Variants in RARG observed in about 807,000 individuals in gnomAD.
The protein encoded by RARG is retinoic acid receptor gamma.
RARG carries 17 observed loss-of-function variants against 43.7 expected under a neutral mutation model. The observed-to-expected ratio is 0.39, with a 90% CI of 0.27 to 0.58. The LOEUF is 0.58. Among genes scored for constraint, RARG ranks in the 20% least tolerant of loss-of-function variants. The probability of loss-of-function intolerance (pLI) is 0.57; values close to 1 mark genes in which losing one functional copy is unlikely to be tolerated. For missense variants in RARG, 346 were observed against 598.7 expected (o/e 0.58, Z 4.40); for synonymous variants, 238 against 236.4 (o/e 1.01, Z -0.06).
chr12:53,222,140 A>T (rs1047444928), intron 3 of RARG, among the ~76,000 whole-genome samples: 6 of 151,838 alleles, frequency 4.0e-5, no homozygotes, highest in African/African-American at 1.5e-4. Context: ...TGCTCTTTCC[A>T]ACCCAGTGTA....
chr12:53,212,200 C>T (rs1942610063), intron 9 of RARG, among the ~76,000 whole-genome samples: 1 of 152,230 alleles, frequency 6.6e-6, no homozygotes, highest in South Asian at 2.1e-4. Flanking sequence ...TGTTCCTAGT[C>T]CTGTTCTCTT....
chr12:53,215,424 C>T lies in RARG; in HGVS notation c.344G>A (p.Arg115His). The change falls in exon 5 of 10, where the codon CGC becomes CAC. Residue 115 changes from arginine (R) to histidine (H), a missense_variant. Arg to His is a conservative substitution (Grantham distance 29, BLOSUM62 0). Transcript: ENST00000425354. This position sits in a 1 kb window ranked among gnomAD's most constrained non-coding sequence, Gnocchi z 6.4. ...SSCEGCKGFF[R>H]RSIQKNMVYT... ...CACCATGTTCTTCTGGATGCTTCGG[C>T]GAAAGAAGCCCTGGAGTTGAGGGAA... 6.2e-7 allele frequency: 1 copy of T among 1,614,020 alleles called. No homozygotes were observed. The highest frequency in any genetic ancestry group is 1.1e-5 in the South Asian group (1 of 91,078).
chr12:53,231,092 C>T (rs575606738), intron 2 of RARG, 77 bp downstream of exon 2: 1 of 152,400 alleles, frequency 6.6e-6, no homozygotes, highest in African/African-American at 2.4e-5. Context: ...GGACAGTCAT[C>T]TCAGTTTCTT....
chr12:53,221,798 C>T (rs1194463043), intron 3 of RARG, among the ~76,000 whole-genome samples: 1 of 151,628 alleles, frequency 6.6e-6, no homozygotes, highest in African/African-American at 2.4e-5. Flanking sequence ...GCTCTGTCAG[C>T]GCCGCTCACA....
chr12:53,225,075 T>C (rs183786118), intron 3 of RARG, among the ~76,000 whole-genome samples: 3 of 152,284 alleles, frequency 2.0e-5, no homozygotes, highest in Admixed American at 2.0e-4. Context: ...GAGGCTGAGT[T>C]GTAGGGTTCT....
chr12:53,231,607 G>A (rs770569111), intron 1 of RARG: 2 of 153,184 alleles, frequency 1.3e-5, no homozygotes, highest in Non-Finnish European at 2.9e-5. Context: ...CTCAGAGCCC[G>A]GGGGTAAGGG....
chr12:53,220,402 G>C lies in RARG; in HGVS notation c.185-4608C>G. On this transcript the variant is annotated intron_variant, in intron 3 of 9. Coordinates refer to ENST00000425354, the MANE Select transcript of RARG (RefSeq NM_000966.6). ...TAAAAGCGAAGCCTGGAGGGGTGGG[G>C]GGTGGGGCTTGGAGAGCGAAGGGGG... 3 of 149,182 alleles carry C rather than the reference G, an allele frequency of 2.0e-5. 1 individual carries two copies. The highest frequency in any genetic ancestry group is 3.2e-4 in the South Asian group (2 of 6,290). 9.2% of individuals were successfully genotyped at this position (149,182 alleles called of 1,614,324 possible).
rs969900562 is a variant in RARG at position 53,215,558 on chromosome 12, C to A, written c.333+88G>T. On this transcript the variant is annotated intron_variant, in intron 4 of 9. Transcript: ENST00000425354. The surrounding 1 kb of genome is among the most constrained non-coding windows in gnomAD (Gnocchi z 6.4). ...TTAACCACCTATGTGCAAAGCAGTG[C>A]TGCTCAGACACAGCATCTGTGTGCC... The A allele has an allele frequency of 8.2e-6, 13 of 1,583,098 alleles. No homozygotes were observed. Among genetic ancestry groups the A allele is most frequent in the Non-Finnish European group, 1.1e-5 (13 of 1,159,994 alleles).
Position 53,215,050 on chromosome 12 carries a change from T to C in RARG, c.475+243A>G, listed in dbSNP as rs1212905035. Among the ~76,000 whole-genome samples the C allele has an allele frequency of 6.6e-6, 1 of 152,098 alleles. No homozygotes were observed. The highest frequency in any genetic ancestry group is 1.9e-4 in the East Asian group (1 of 5,190). On this transcript the variant is annotated intron_variant, in intron 5 of 9. Transcript: ENST00000425354. The surrounding 1 kb of genome is among the most constrained non-coding windows in gnomAD (Gnocchi z 6.4). ...CATTTCCCCCATGAAACAGGGGGAA[T>C]GTGAGACCCTACTTATTCACCCATT...
At chr12:53,214,909 A>T in intron 5 of RARG, 1 of 409,056 alleles carries the variant, frequency 2.4e-6, no homozygotes. Context: ...CAGGATATCC[A>T]CTTATAGCCT....
rs1942680826 is a variant in RARG, at chr12:53,213,882, G to A, written c.813+177C>T. The A allele has an allele frequency of 7.6e-6, 8 of 1,054,066 alleles. No homozygotes were observed. The highest frequency in any genetic ancestry group is 1.1e-5 in the Non-Finnish European group (8 of 718,992). 65.3% of individuals were successfully genotyped at this position (1,054,066 alleles called of 1,614,324 possible). A position where few individuals can be genotyped will look rare whatever the true frequency, so the allele number is the denominator to read the frequency against. On this transcript the variant is annotated intron_variant, in intron 7 of 9. Coordinates refer to ENST00000425354, the MANE Select transcript of RARG (RefSeq NM_000966.6). This position sits in a 1 kb window ranked among gnomAD's most constrained non-coding sequence, Gnocchi z 4.7. Reference sequence around the variant, plus strand: ...TCCCGGGAAGTCAGGAGGAGACAGGGCATCCAAAAGTCTAGGATCAGGTCA... The same window carrying A: ...TCCCGGGAAGTCAGGAGGAGACAGGACATCCAAAAGTCTAGGATCAGGTCA...
At position 53,211,538 on chromosome 12, in the gene RARG, T is replaced by C; in HGVS notation, c.*138A>G. 3.6e-6 allele frequency: 3 copies of C among 831,766 alleles called. No homozygotes were observed. The highest frequency in any genetic ancestry group is 3.4e-6 in the Non-Finnish European group (2 of 593,018). 51.5% of individuals were successfully genotyped at this position (831,766 alleles called of 1,614,324 possible). On this transcript the variant is annotated 3_prime_UTR_variant, in exon 10 of 10. Transcript: ENST00000425354. This position sits in a 1 kb window ranked among gnomAD's most constrained non-coding sequence, Gnocchi z 4.6. ...GAACACAGAGGCACCCCTAGAAACT[T>C]TGGCAAAAACAAGGAGCTCATTGGA...
Position 53,227,810 on chromosome 12 carries a change from T to G in RARG, c.-142-123A>C. The G allele has an allele frequency of 2.8e-6, 2 of 709,418 alleles. No individual in the cohort carries two copies. The highest frequency in any genetic ancestry group is 3.9e-6 in the Non-Finnish European group (2 of 519,098). The allele number at this position is 709,418 out of a possible 1,614,324, so 43.9% of individuals were successfully genotyped here. On this transcript the variant is annotated intron_variant, in intron 2 of 9. Transcript: ENST00000425354. The surrounding 1 kb of genome is among the most constrained non-coding windows in gnomAD (Gnocchi z 4.3). ...CTGCTACAGTTTATCCTGCCCTGGCTCAGGGCCCTTGCAGTGTGGTAGAGA... is the reference window on the plus strand; with the variant it reads ...CTGCTACAGTTTATCCTGCCCTGGCGCAGGGCCCTTGCAGTGTGGTAGAGA...
intron 3 of RARG, among the ~76,000 whole-genome samples, chr12:53,223,979 C>T (rs763928642): frequency 2.6e-5 from 4 of 152,092 alleles, no homozygotes; most frequent in Admixed American, 6.5e-5. Flanking sequence ...GGTGGGAGGA[C>T]GGCAAGGCTT....
intron 3 of RARG, among the ~76,000 whole-genome samples, chr12:53,216,298 A>G (rs899357432): frequency 5.9e-5 from 9 of 152,156 alleles, no homozygotes; most frequent in African/African-American, 2.2e-4. Flanking sequence ...TGTAGCTGCT[A>G]CTGGCCAAAT....
At position 53,227,500 on chromosome 12, in the gene RARG, G is replaced by A. The variant is rs775786386; in HGVS notation, c.46C>T (p.Pro16Ser). Reference sequence around the variant, plus strand: ...CCTGCCCCTGGGTAGCCAGATCCAGGCCCCAGGGCACCAGCCGCAAAGAGT... The same window carrying A: ...CCTGCCCCTGGGTAGCCAGATCCAGACCCCAGGGCACCAGCCGCAAAGAGT... ...ERLFAAGALGPGSGYPGAGFP... is the reference protein window; with the variant it reads ...ERLFAAGALGSGSGYPGAGFP... Residue 16 changes from proline to serine, a missense_variant, in exon 3 of 10, where the codon CCT becomes TCT. By Grantham distance (74) the Pro-to-Ser change is moderately conservative (BLOSUM62 -1). Coordinates refer to ENST00000425354, the MANE Select transcript of RARG (RefSeq NM_000966.6). This position sits in a 1 kb window ranked among gnomAD's most constrained non-coding sequence, Gnocchi z 4.3. 1 of 1,603,608 alleles carries A rather than the reference G, an allele frequency of 6.2e-7. No individual in the cohort carries two copies. Among genetic ancestry groups the A allele is most frequent in the Non-Finnish European group, 8.5e-7 (1 of 1,175,780 alleles).
chr12:53,219,936 A>C (rs1409281919), intron 3 of RARG: 45 of 1,496,884 alleles, frequency 3.0e-5, no homozygotes, highest in Non-Finnish European at 3.9e-5. Context: ...CCAGCCCCGG[A>C]CTCCGGTACC....
At chr12:53,214,857 C>T (rs1232497888) in intron 5 of RARG, 1 of 468,602 alleles carries the variant, frequency 2.1e-6, no homozygotes, top group African/African-American at 1.9e-5. Flanking sequence ...CTTCCTGTCA[C>T]CCTGCAGGAG....
At chr12:53,217,620 T>C (rs1592434395) in intron 3 of RARG, among the ~76,000 whole-genome samples, 1 of 152,186 alleles carries the variant, frequency 6.6e-6, no homozygotes, top group Non-Finnish European at 1.5e-5. Flanking sequence ...GGCTCCGAGG[T>C]CAATCTGTGA....
Sources: gnomAD v4.1 joint callset for allele counts (sites outside exome capture counted in the v4.1 genomes callset) on GRCh38, gnomAD v4.1.1 for gene constraint, Gnocchi (gnomAD v3.1) non-coding constraint, MANE v1.5 for transcripts, NCBI Gene and HGNC (gene_info 2026-07-23, HGNC 2026-07-21) for gene names.